Variants in RRP15 observed in about 807,000 individuals in gnomAD.
The protein encoded by RRP15 is ribosomal RNA processing 15 homolog, also known as RRP15-like protein.
A neutral mutation model predicts 27.1 loss-of-function variants in RRP15; 18 were observed. The observed-to-expected ratio is 0.66, with a 90% CI of 0.46 to 0.98. The LOEUF is 0.98. RRP15 is among the 50% of genes least tolerant of loss of function. The pLI is 0.00. For missense variants in RRP15, 359 were observed against 337.8 expected (o/e 1.06, Z -0.49); for synonymous variants, 107 against 109.4 (o/e 0.98, Z 0.14).
intron 4 of RRP15, among the ~76,000 whole-genome samples, chr1:218,324,314 G>A (rs1656236686): frequency 6.6e-6 from 1 of 152,212 alleles, no homozygotes; most frequent in East Asian, 1.9e-4. Flanking sequence ...CTGGCCCCTT[G>A]AGTCTTGCCT....
Position 218,295,782 on chromosome 1 carries a change from GTCTA to G in RRP15, c.140-6508_140-6505del, listed in dbSNP as rs1655709034. On this transcript the variant is annotated intron_variant, in intron 1 of 4. Transcript: ENST00000366932. Reference sequence around the variant, plus strand: ...GCTCAGGAAACAGACTACTTCCAGAGTCTATCTGTTTTGGCTTGCCCAATAGCAC... The same window carrying G: ...GCTCAGGAAACAGACTACTTCCAGAGTCTGTTTTGGCTTGCCCAATAGCAC... Among the ~76,000 whole-genome samples the G allele has an allele frequency of 3.3e-5, 5 of 152,188 alleles. No individual in the cohort carries two copies. The South Asian group carries it at 1.0e-3, about 31-fold the overall frequency.
At chr1:218,288,177 CG>C (rs1655579371) in intron 1 of RRP15, among the ~76,000 whole-genome samples, 1 of 152,158 alleles carries the variant, frequency 6.6e-6, no homozygotes, top group Non-Finnish European at 1.5e-5. Flanking sequence ...GCCAGATGTA[CG>C]GTGACTGCCA....
intron 4 of RRP15, among the ~76,000 whole-genome samples, chr1:218,319,794 G>A (rs916123785): frequency 1.3e-5 from 2 of 152,266 alleles, no homozygotes; most frequent in East Asian, 1.9e-4. Flanking sequence ...ATATCAGGAA[G>A]ACGTTGGTAT....
At chr1:218,318,446 T>C (rs775301149) in intron 4 of RRP15, among the ~76,000 whole-genome samples, 7 of 152,120 alleles carry the variant, frequency 4.6e-5, no homozygotes, top group Non-Finnish European at 8.8e-5. Flanking sequence ...TCTTGAAGAA[T>C]GAATAATGAA....
intron 4 of RRP15, among the ~76,000 whole-genome samples, chr1:218,329,785 C>CA (rs1656337140): frequency 6.6e-6 from 1 of 151,304 alleles, no homozygotes; most frequent in Admixed American, 6.6e-5. Context: ...AAGAGTGAGC[C>CA]AATAGGACAG....
At chr1:218,323,256 C>T (rs529405800) in intron 4 of RRP15, among the ~76,000 whole-genome samples, 24 of 152,322 alleles carry the variant, frequency 1.6e-4, no homozygotes, top group Non-Finnish European at 2.2e-4. Context: ...TTAGCCCCGC[C>T]GTTCGGCAGG....
At chr1:218,300,555 G>A (rs1655796899) in intron 1 of RRP15, among the ~76,000 whole-genome samples, 1 of 152,186 alleles carries the variant, frequency 6.6e-6, no homozygotes, top group African/African-American at 2.4e-5. Context: ...CAAGAGAGTA[G>A]AGGGGATCAC....
At position 218,333,312 on chromosome 1, in the gene RRP15, A is replaced by AG. The variant is rs750851483; in HGVS notation, c.*2221_*2222insG. 6 of 152,208 alleles carry AG rather than the reference A, an allele frequency of 3.9e-5. No individual in the cohort carries two copies. The highest frequency in any genetic ancestry group is 8.8e-5 in the Non-Finnish European group (6 of 68,028). The allele number at this position is 152,208 out of a possible 1,614,324, so 9.4% of individuals were successfully genotyped here. On this transcript the variant is annotated 3_prime_UTR_variant, in exon 5 of 5. Transcript: ENST00000366932. ...TTGCATCTTGGGTATTAAGCAAAAT[A>AG]CCATATGTATAAATATGAAACCAGG...
intron 4 of RRP15, among the ~76,000 whole-genome samples, chr1:218,328,538 CT>C (rs1036496258): frequency 7.2e-5 from 11 of 152,140 alleles, no homozygotes; most frequent in African/African-American, 2.6e-4. Context: ...TGGCAGGTGC[CT>C]ATAGTCCCAG....
intron 1 of RRP15, among the ~76,000 whole-genome samples, chr1:218,296,155 A>C (rs1655716107): frequency 6.6e-6 from 1 of 152,148 alleles, no homozygotes. Context: ...AGCTTTATTA[A>C]ACTATGTTTT....
chr1:218,314,742 C>G (rs181453554), intron 4 of RRP15, among the ~76,000 whole-genome samples: 6 of 151,812 alleles, frequency 4.0e-5, no homozygotes, highest in Admixed American at 1.3e-4. Context: ...TCTGTAATCT[C>G]AGCACTTTGG....
chr1:218,318,394 T>G (rs1656123165), intron 4 of RRP15, among the ~76,000 whole-genome samples: 1 of 152,234 alleles, frequency 6.6e-6, no homozygotes, highest in African/African-American at 2.4e-5. Context: ...TTGTCTTTTT[T>G]TTTCTTTTAA....
At chr1:218,287,796 G>C (rs910929330) in intron 1 of RRP15, among the ~76,000 whole-genome samples, 2 of 152,130 alleles carry the variant, frequency 1.3e-5, no homozygotes, top group Admixed American at 1.3e-4. Context: ...TCAAAAGTAT[G>C]TCTTGTTTAT....
At chr1:218,298,576 G>A (rs1463067864) in intron 1 of RRP15, among the ~76,000 whole-genome samples, 4 of 152,144 alleles carry the variant, frequency 2.6e-5, no homozygotes, top group Non-Finnish European at 4.4e-5. Flanking sequence ...TCTGGGGTCA[G>A]GGAACAGATG....
intron 4 of RRP15, among the ~76,000 whole-genome samples, chr1:218,320,823 C>G (rs1168209100): frequency 1.3e-5 from 2 of 151,830 alleles, no homozygotes; most frequent in Admixed American, 1.3e-4. Flanking sequence ...TTGCAAATAG[C>G]TTACTGAAAA....
At chr1:218,330,883 G>A (rs990941857) in intron 4 of RRP15, 65 bp from the exon 5 acceptor site, 1 of 1,457,462 alleles carries the variant, frequency 6.9e-7, no homozygotes, top group Non-Finnish European at 9.5e-7. Flanking sequence ...TTTGTAGCTT[G>A]TACCTTTTTG....
chr1:218,324,049 C>G (rs1435309217), intron 4 of RRP15, among the ~76,000 whole-genome samples: 1 of 152,198 alleles, frequency 6.6e-6, no homozygotes, highest in East Asian at 1.9e-4. Flanking sequence ...TCCCAACTCC[C>G]ACCAGCTCTG....
chr1:218,312,709 TG>T (rs1461241833), intron 4 of RRP15, among the ~76,000 whole-genome samples: 1 of 152,122 alleles, frequency 6.6e-6, no homozygotes, highest in Non-Finnish European at 1.5e-5. Context: ...AATTGTGATG[TG>T]GGGATAGTCA....
intron 4 of RRP15, among the ~76,000 whole-genome samples, chr1:218,324,549 TGGC>T (rs1656241545): frequency 6.6e-6 from 1 of 152,240 alleles, no homozygotes; most frequent in African/African-American, 2.4e-5. Context: ...ACTGGTGTGA[TGGC>T]AGCAGCCACT....
Sources: gnomAD v4.1 joint callset for allele counts (sites outside exome capture counted in the v4.1 genomes callset) on GRCh38, gnomAD v4.1.1 for gene constraint, MANE v1.5 for transcripts, NCBI Gene and HGNC (gene_info 2026-07-23, HGNC 2026-07-21) for gene names.